FTCDNL1: variants seen among roughly 807,000 people sequenced by gnomAD.
FTCDNL1 encodes the protein formiminotransferase N-terminal subdomain-containing protein.
In FTCDNL1, 11 loss-of-function variants were observed where a neutral mutation model predicts 5.9. The observed-to-expected ratio is 1.87, with a 90% CI of 1.18 to 3.10. FTCDNL1 has a LOEUF of 3.10. Among genes scored for constraint, FTCDNL1 ranks in the 30% most tolerant of loss-of-function variants. The probability of loss-of-function intolerance (pLI) is 0.00; values close to 1 mark genes in which losing one functional copy is unlikely to be tolerated. For missense variants in FTCDNL1, 115 were observed against 65.5 expected, an observed-to-expected ratio of 1.76 and a Z score of -2.61; for synonymous variants, 58 against 24.8, an observed-to-expected ratio of 2.34 and a Z score of -3.99.
chr2:199,845,738 C>T (rs952567439), intron 3 of FTCDNL1, among the ~76,000 whole-genome samples: 1 of 151,280 alleles, frequency 6.6e-6, no homozygotes, highest in Non-Finnish European at 1.5e-5. Flanking sequence ...GCCAGCTTAG[C>T]AGTGAAATGA....
chr2:199,698,749 G>A, the FTCDNL1 span, among the ~76,000 whole-genome samples: 1 of 151,894 alleles, frequency 6.6e-6, no homozygotes. Flanking sequence ...CAAAGCTAGT[G>A]GAAGAAAAAA....
the FTCDNL1 span, among the ~76,000 whole-genome samples, chr2:199,673,724 T>C: frequency 6.6e-6 from 1 of 152,208 alleles, no homozygotes; most frequent in Admixed American, 6.5e-5. Context: ...GATAAAATCA[T>C]ATCATAGAGT....
chr2:199,686,964 T>TC, the FTCDNL1 span, among the ~76,000 whole-genome samples: 1 of 152,224 alleles, frequency 6.6e-6, no homozygotes, highest in Admixed American at 6.5e-5. Context: ...TGGATTTACC[T>TC]CTAAGTTTTA....
rs1491130091 is a variant in FTCDNL1, at chr2:199,776,955, T to TAC, written c.212-16121_212-16120insGT. On this transcript the variant is annotated intron_variant, in intron 3 of 3. Coordinates refer to the FTCDNL1 transcript ENST00000416668. Reference sequence around the variant, plus strand: ...ACACACACACACACAGAGATGTGTGTATATGTGTGTGTGTGTGTGTGTGTG... The same window carrying TAC: ...ACACACACACACACAGAGATGTGTGTACATATGTGTGTGTGTGTGTGTGTGTG... Among the ~76,000 whole-genome samples, 919 of 118,200 alleles carry TAC rather than the reference T, an allele frequency of 7.8e-3. 8 individuals are homozygous for TAC. The highest frequency in any genetic ancestry group is 0.03 in the African/African-American group (886 of 29,602). The allele number at this position is 118,200 out of a possible 152,430, so 77.5% of individuals were successfully genotyped here. A position where few individuals can be genotyped will look rare whatever the true frequency, so the allele number is the denominator to read the frequency against.
At chr2:199,845,786 C>T (rs538235819) in intron 3 of FTCDNL1, among the ~76,000 whole-genome samples, 2 of 151,064 alleles carry the variant, frequency 1.3e-5, no homozygotes, top group African/African-American at 4.9e-5. Context: ...AGGCTAAAAC[C>T]TGAAGATGTC....
chr2:199,731,304 T>C, the FTCDNL1 span, among the ~76,000 whole-genome samples: 1 of 152,216 alleles, frequency 6.6e-6, no homozygotes, highest in South Asian at 2.1e-4. Context: ...GGCACATGTA[T>C]ACCAATGTAA....
At chr2:199,805,001 G>T (rs772517307), downstream of FTCDNL1, among the ~76,000 whole-genome samples, 2 of 152,192 alleles carry the variant, frequency 1.3e-5, no homozygotes, top group Admixed American at 6.5e-5. Flanking sequence ...GGGCTCAGGC[G>T]TCTGAGGAAG....
chr2:199,802,047 CAT>C (rs1700484334), intron 3 of FTCDNL1, among the ~76,000 whole-genome samples: 3 of 152,268 alleles, frequency 2.0e-5, no homozygotes, highest in Admixed American at 2.0e-4. Context: ...GTTGCAAGCT[CAT>C]GAAGCCAATA....
downstream of FTCDNL1, among the ~76,000 whole-genome samples, chr2:199,757,458 T>G (rs1698111383): frequency 6.6e-6 from 1 of 152,142 alleles, no homozygotes; most frequent in African/African-American, 2.4e-5. Flanking sequence ...ATGCAAAGGA[T>G]GCCAGAAAGT....
rs528638448 is a variant in FTCDNL1, at chr2:199,765,732, C to T, written c.212-4897G>A. 4.0e-5 allele frequency among the ~76,000 whole-genome samples: 6 copies of T among 150,882 alleles called. No individual in the cohort carries two copies. The South Asian group carries it at 1.1e-3, about 27-fold the overall frequency. ...TATTTTTTGTATTTTTGGTAGAGACCGGGTTTCACCGTGTTGCCCAGCCCG... is the reference window on the plus strand; with the variant it reads ...TATTTTTTGTATTTTTGGTAGAGACTGGGTTTCACCGTGTTGCCCAGCCCG... On this transcript the variant is annotated intron_variant, in intron 3 of 3. Transcript: ENST00000416668.
At chr2:199,800,714 C>T (rs2106399854) in intron 3 of FTCDNL1, among the ~76,000 whole-genome samples, 1 of 152,178 alleles carries the variant, frequency 6.6e-6, no homozygotes, top group Non-Finnish European at 1.5e-5. Context: ...GAATGGTTGA[C>T]AGAAATGTGT....
At chr2:199,673,231 G>C in the FTCDNL1 span, among the ~76,000 whole-genome samples, 3 of 150,116 alleles carry the variant, frequency 2.0e-5, no homozygotes, top group Non-Finnish European at 4.4e-5. Flanking sequence ...GGGAGCCTGA[G>C]GCAGGAGAAT....
chr2:199,787,536 G>A (rs563478498), intron 3 of FTCDNL1, among the ~76,000 whole-genome samples: 7 of 152,130 alleles, frequency 4.6e-5, no homozygotes, highest in Middle Eastern at 3.4e-3. Context: ...ACAGGTTCTC[G>A]GGATTAAGAC....
At chr2:199,775,980 A>G (rs1448223828) in intron 3 of FTCDNL1, among the ~76,000 whole-genome samples, 1 of 145,800 alleles carries the variant, frequency 6.9e-6, no homozygotes, top group African/African-American at 2.6e-5. Context: ...GTGGCGCGAT[A>G]TCAGCTCACT....
chr2:199,791,435 C>T (rs972585595), intron 3 of FTCDNL1, among the ~76,000 whole-genome samples: 5 of 152,090 alleles, frequency 3.3e-5, no homozygotes, highest in South Asian at 2.1e-4. Flanking sequence ...AAAATTTAAA[C>T]GTCAACTATT....
chr2:199,840,484 G>A (rs1313405314), intron 3 of FTCDNL1, among the ~76,000 whole-genome samples: 2 of 152,034 alleles, frequency 1.3e-5, no homozygotes, highest in African/African-American at 4.8e-5. Flanking sequence ...TTGTGTGAGT[G>A]TGTGTGTGTT....
the FTCDNL1 span, among the ~76,000 whole-genome samples, chr2:199,728,340 G>T: frequency 6.6e-6 from 1 of 151,614 alleles, no homozygotes; most frequent in African/African-American, 2.4e-5. Context: ...CTCTGCTCCT[G>T]GGTTCATGCC....
At chr2:199,736,719 C>T in the FTCDNL1 span, among the ~76,000 whole-genome samples, 1 of 152,200 alleles carries the variant, frequency 6.6e-6, no homozygotes, top group Non-Finnish European at 1.5e-5. Flanking sequence ...TAGTGTCATT[C>T]GGCATCACAG....
At chr2:199,678,590 G>A in the FTCDNL1 span, among the ~76,000 whole-genome samples, 1 of 151,614 alleles carries the variant, frequency 6.6e-6, no homozygotes, top group South Asian at 2.1e-4. Flanking sequence ...AGCTTTTTGG[G>A]TTGTAAAAAA....
Sources: gnomAD v4.1 joint callset for allele counts (sites outside exome capture counted in the v4.1 genomes callset) on GRCh38, gnomAD v4.1.1 for gene constraint, MANE v1.5 for transcripts, NCBI Gene and HGNC (gene_info 2026-07-23, HGNC 2026-07-21) for gene names.